Variants in PADI2 observed in about 807,000 individuals in gnomAD.
PADI2 encodes protein-arginine deiminase type-2.
Under a neutral mutation model 81.1 loss-of-function variants are expected in PADI2, and 70 were observed. That is an observed-to-expected ratio of 0.86 (90% confidence interval 0.71 to 1.05). PADI2 has a LOEUF of 1.05. Ranked by LOEUF, PADI2 falls within the 50% of genes least tolerant of loss-of-function variation. The pLI is 0.00. For missense variants in PADI2, 853 were observed against 889.9 expected (o/e 0.96, Z 0.53); for synonymous variants, 338 against 358.0 (o/e 0.94, Z 0.63).
intron 14 of PADI2, among the ~76,000 whole-genome samples, chr1:17,070,660 TC>T (rs1490040040): frequency 1.3e-5 from 2 of 152,126 alleles, no homozygotes; most frequent in African/African-American, 4.8e-5. Context: ...CTATTATTAT[TC>T]CCTTTTAATT....
intron 6 of PADI2, among the ~76,000 whole-genome samples, chr1:17,087,492 G>GTTTA (rs138753770): frequency 0.6 from 89,099 of 147,936 alleles, 27,497 homozygotes; most frequent in Non-Finnish European, 0.67. Context: ...TTGTTTGTTT[G>GTTTA]TTTATTTATT....
chr1:17,075,711 A>G lies in PADI2; in HGVS notation c.1423T>C (p.Phe475Leu). The change falls in exon 12 of 16, where the codon TTC becomes CTC. Residue 475 changes from phenylalanine (F) to leucine (L), a missense_variant. Phe to Leu is a conservative substitution (Grantham distance 22). Transcript: ENST00000375486. Reference sequence around the variant, plus strand: ...CCGGGGATGGGGACAAAGGACATGAACTCATCCACGTGGCCCACAGTCAGC... The same window carrying G: ...CCGGGGATGGGGACAAAGGACATGAGCTCATCCACGTGGCCCACAGTCAGC... ...DWLTVGHVDE[F>L]MSFVPIPGTK... The G allele has an allele frequency of 2.5e-6, 4 of 1,613,786 alleles. No individual in the cohort carries two copies. Among genetic ancestry groups the G allele is most frequent in the Non-Finnish European group, 3.4e-6 (4 of 1,179,918 alleles).
At chr1:17,070,472 G>A (rs1011530171) in intron 14 of PADI2, among the ~76,000 whole-genome samples, 9 of 152,200 alleles carry the variant, frequency 5.9e-5, no homozygotes, top group African/African-American at 2.2e-4. Context: ...ACTAGAGCCG[G>A]TCCCTGTGCT....
intron 13 of PADI2, among the ~76,000 whole-genome samples, chr1:17,072,773 T>C (rs2078273522): frequency 6.6e-6 from 1 of 152,238 alleles, no homozygotes; most frequent in African/African-American, 2.4e-5. Context: ...TATCTCTCTT[T>C]CTAAAATACA....
chr1:17,077,828 C>T (rs775261625), intron 11 of PADI2, among the ~76,000 whole-genome samples: 4 of 152,044 alleles, frequency 2.6e-5, no homozygotes, highest in African/African-American at 4.8e-5. Flanking sequence ...CCTTTTGTGA[C>T]GTGAGAACCT....
intron 1 of PADI2, among the ~76,000 whole-genome samples, chr1:17,118,979 C>T (rs959269166): frequency 6.6e-6 from 1 of 151,972 alleles, no homozygotes; most frequent in African/African-American, 2.4e-5. Flanking sequence ...GTGAGGTCCC[C>T]CGGGAGGAGA....
rs186243880 is a variant in PADI2, at chr1:17,111,284, G to A, written c.93-6223C>T. On this transcript the variant is annotated intron_variant, in intron 1 of 15. Coordinates refer to ENST00000375486, the MANE Select transcript of PADI2 (RefSeq NM_007365.3). ...AATTTTTGTATTTTTTAGTAGAGAC[G>A]GGGTTTCACCATGTTGTCCAGGCTG... Among the ~76,000 whole-genome samples, 58 of 151,888 alleles carry A rather than the reference G, an allele frequency of 3.8e-4. 1 individual carries two copies. Among genetic ancestry groups the A allele is most frequent in the Non-Finnish European group, 7.7e-4 (52 of 67,958 alleles).
intron 2 of PADI2, among the ~76,000 whole-genome samples, chr1:17,104,256 C>G (rs1931262465): frequency 6.6e-6 from 1 of 150,378 alleles, no homozygotes; most frequent in Non-Finnish European, 1.5e-5. Flanking sequence ...CATCACTGCA[C>G]TCCAGCCTGG....
intron 10 of PADI2, 59 bp downstream of exon 10, chr1:17,082,486 C>T (rs766845740): frequency 2.7e-6 from 3 of 1,123,438 alleles, no homozygotes; most frequent in Non-Finnish European, 4.1e-6. Flanking sequence ...CCTGACCACT[C>T]TGTCTTATGA....
At position 17,067,389 on chromosome 1, in the gene PADI2, AG is replaced by A. The variant is rs1179795328; in HGVS notation, c.*1654del. On this transcript the variant is annotated 3_prime_UTR_variant, in exon 16 of 16. Coordinates refer to ENST00000375486, the MANE Select transcript of PADI2 (RefSeq NM_007365.3). ...GCAGGAGCTGCTGTCCCCAGAGAGGAGACAACAGCTTCTGGAGGCTCTGGGG... is the reference window on the plus strand; with the variant it reads ...GCAGGAGCTGCTGTCCCCAGAGAGGAACAACAGCTTCTGGAGGCTCTGGGG... 2 of 152,002 alleles carry A rather than the reference AG, an allele frequency of 1.3e-5. No homozygotes were observed. The highest frequency in any genetic ancestry group is 2.9e-5 in the Non-Finnish European group (2 of 68,038). The allele number at this position is 152,002 out of a possible 1,614,324, so 9.4% of individuals were successfully genotyped here. A position where few individuals can be genotyped will look rare whatever the true frequency, so the allele number is the denominator to read the frequency against.
chr1:17,075,319 C>A, intron 12 of PADI2: 1 of 316,950 alleles, frequency 3.2e-6, no homozygotes. Flanking sequence ...AGAGCATTAC[C>A]ACCAACACAA....
At chr1:17,084,769 C>A in intron 7 of PADI2, 67 bp from the exon 8 acceptor site, 1 of 948,526 alleles carries the variant, frequency 1.1e-6, no homozygotes. Flanking sequence ...GCCTGCCTTT[C>A]AAAGCGGGTG....
rs566063423 is a variant in PADI2, at chr1:17,080,234, C to A, written c.1159-819G>T. On this transcript the variant is annotated intron_variant, in intron 10 of 15. Transcript: ENST00000375486. ...CCCATTGCCATGTGACTTCTGGCATCTTCCTGCAAAAGGAATATACTTCCC... is the reference window on the plus strand; with the variant it reads ...CCCATTGCCATGTGACTTCTGGCATATTCCTGCAAAAGGAATATACTTCCC... 2.6e-5 allele frequency among the ~76,000 whole-genome samples: 4 copies of A among 152,324 alleles called. No individual in the cohort carries two copies. The East Asian group carries it at 7.7e-4, about 29-fold the overall frequency.
intron 13 of PADI2, among the ~76,000 whole-genome samples, chr1:17,071,869 G>A (rs2078267009): frequency 6.6e-6 from 1 of 152,160 alleles, no homozygotes; most frequent in South Asian, 2.1e-4. Context: ...ATGGCCAAAG[G>A]GGACACCCTT....
In PADI2 at chr1:17,082,507, G is replaced by A. The variant is rs1013846388; in HGVS notation, c.1158+38C>T. 1.4e-5 allele frequency: 18 copies of A among 1,295,834 alleles called. No individual in the cohort carries two copies. The Admixed American group carries it at 2.5e-4, about 18-fold the overall frequency. The allele number at this position is 1,295,834 out of a possible 1,614,324, so 80.3% of individuals were successfully genotyped here. On this transcript the variant is annotated intron_variant, in intron 10 of 15. Coordinates refer to ENST00000375486, the MANE Select transcript of PADI2 (RefSeq NM_007365.3). ...CACTCTGTCTTATGAGAATCTCCAG[G>A]ATCATGCTCCACCCGCAAGTGGCCC...
In PADI2 at chr1:17,084,598, C is replaced by A. The variant is rs1238160337; in HGVS notation, c.938+1G>T. 2 of 1,574,194 alleles carry A rather than the reference C, an allele frequency of 1.3e-6. No homozygotes were observed. Among genetic ancestry groups the A allele is most frequent in the East Asian group, 2.4e-5 (1 of 42,450 alleles). On this transcript the variant is annotated splice_donor_variant, in intron 8 of 15. Transcript: ENST00000375486. LOFTEE classifies it high-confidence loss of function. ...CTCTCCAGGCTGGGGTCACCCCTTACCAGCACACAAACACCGACACGGGAG... is the reference window on the plus strand; with the variant it reads ...CTCTCCAGGCTGGGGTCACCCCTTAACAGCACACAAACACCGACACGGGAG...
At chr1:17,100,874 C>T (rs914166086) in intron 3 of PADI2, among the ~76,000 whole-genome samples, 1 of 151,784 alleles carries the variant, frequency 6.6e-6, no homozygotes, top group African/African-American at 2.4e-5. Context: ...ATTGGCCAGG[C>T]TGGTCTCAAA....
Position 17,113,489 on chromosome 1 carries a change from G to A in PADI2, c.92+5791C>T, listed in dbSNP as rs534400914. On this transcript the variant is annotated intron_variant, in intron 1 of 15. Coordinates refer to ENST00000375486, the MANE Select transcript of PADI2 (RefSeq NM_007365.3). ...TCAAATCTCAGGGACAGTCATGGCC[G>A]AGTGTGAGGGGAACTCAGGCTCTCT... 3.9e-5 allele frequency among the ~76,000 whole-genome samples: 6 copies of A among 152,308 alleles called. 1 individual carries two copies. Among genetic ancestry groups the A allele is most frequent in the Middle Eastern group, 3.4e-3 (1 of 294 alleles).
At chr1:17,109,252 G>A (rs1318164989) in intron 1 of PADI2, among the ~76,000 whole-genome samples, 2 of 151,946 alleles carry the variant, frequency 1.3e-5, no homozygotes, top group East Asian at 3.9e-4. Context: ...GCCGAGCGTA[G>A]TGGCGTGTGC....
Sources: allele counts gnomAD v4.1 joint callset (sites outside exome capture counted in the v4.1 genomes callset), GRCh38; gene constraint gnomAD v4.1.1; transcripts MANE v1.5; gene names NCBI Gene and HGNC (gene_info 2026-07-23, HGNC 2026-07-21).